The following PKNOX2 variants were observed in gnomAD, a reference collection of about 807,000 sequenced individuals.
PKNOX2 encodes the protein PBX/knotted 1 homeobox 2, also known as homeobox protein PKNOX2.
A neutral mutation model predicts 53.1 loss-of-function variants in PKNOX2; 14 were observed. The observed-to-expected ratio is 0.26, with a 90% CI of 0.17 to 0.41. The LOEUF (loss-of-function observed/expected upper bound fraction) is 0.41. Ranked by LOEUF, PKNOX2 falls within the 10% of genes least tolerant of loss-of-function variation. PKNOX2 has a pLI of 1.00. For synonymous variants in PKNOX2, 257 were observed against 242.8 expected, an observed-to-expected ratio of 1.06 and a Z score of -0.54; for missense variants, 496 against 602.8, an observed-to-expected ratio of 0.82 and a Z score of 1.85.
chr11:125,243,994 T>C (rs1424514589), intron 2 of PKNOX2, among the ~76,000 whole-genome samples: 1 of 152,128 alleles, frequency 6.6e-6, no homozygotes, highest in Non-Finnish European at 1.5e-5. Context: ...GCTTCACTCA[T>C]TGCTGGAGCC....
intron 2 of PKNOX2, among the ~76,000 whole-genome samples, chr11:125,270,257 C>T (rs547593116): frequency 2.0e-5 from 3 of 152,346 alleles, no homozygotes; most frequent in Admixed American, 6.5e-5. Context: ...ATCCTACAAA[C>T]CGAATGACTG....
At chr11:125,323,915 G>A (rs11605596) in intron 2 of PKNOX2, among the ~76,000 whole-genome samples, 16,696 of 149,646 alleles carry the variant, frequency 0.11, 1,293 homozygotes, top group African/African-American at 0.22. Flanking sequence ...ATCAATGTGT[G>A]TTTCTTTAAA....
chr11:125,284,449 A>G (rs1946773210), intron 2 of PKNOX2, among the ~76,000 whole-genome samples: 1 of 152,240 alleles, frequency 6.6e-6, no homozygotes, highest in Non-Finnish European at 1.5e-5. Flanking sequence ...GCCAAGACAC[A>G]AGAAATAGCA....
intron 2 of PKNOX2, among the ~76,000 whole-genome samples, chr11:125,238,328 T>C (rs1035030972): frequency 2.0e-5 from 3 of 152,206 alleles, no homozygotes; most frequent in Non-Finnish European, 4.4e-5. Flanking sequence ...GGAAGAGTCT[T>C]GGATTCTTCC....
chr11:125,205,998 AAG>A (rs1483846588), intron 1 of PKNOX2, among the ~76,000 whole-genome samples: 1 of 152,088 alleles, frequency 6.6e-6, no homozygotes, highest in Non-Finnish European at 1.5e-5. Context: ...TCCAGGAAGA[AAG>A]AGATGGCTGT....
At chr11:125,243,727 G>T (rs975486483) in intron 2 of PKNOX2, among the ~76,000 whole-genome samples, 4 of 151,492 alleles carry the variant, frequency 2.6e-5, no homozygotes, top group African/African-American at 9.7e-5. Context: ...GGTTCATGCC[G>T]TTCTCCTGCC....
intron 2 of PKNOX2, among the ~76,000 whole-genome samples, chr11:125,309,387 ATTT>A (rs67761552): frequency 0.15 from 20,278 of 135,046 alleles, 2,018 homozygotes; most frequent in East Asian, 0.51. Flanking sequence ...AACAGTACCA[ATTT>A]TTTTTTTTTT....
At chr11:125,299,698 T>C (rs76170616) in intron 2 of PKNOX2, among the ~76,000 whole-genome samples, 1 of 152,170 alleles carries the variant, frequency 6.6e-6, no homozygotes, top group Non-Finnish European at 1.5e-5. Context: ...ACTGTGCTGG[T>C]AGATGCCTGA....
At chr11:125,248,923 A>G (rs1943783329) in intron 2 of PKNOX2, among the ~76,000 whole-genome samples, 1 of 124,576 alleles carries the variant, frequency 8.0e-6, no homozygotes, top group Non-Finnish European at 1.7e-5. Flanking sequence ...TATAACATAT[A>G]TAATATACAT....
At chr11:125,309,939 C>A (rs1948703716) in intron 2 of PKNOX2, among the ~76,000 whole-genome samples, 1 of 152,324 alleles carries the variant, frequency 6.6e-6, no homozygotes, top group Non-Finnish European at 1.5e-5. Context: ...TACTGACCAA[C>A]ATTGATTGGA....
intron 1 of PKNOX2, among the ~76,000 whole-genome samples, chr11:125,200,615 C>T (rs1244447019): frequency 2.0e-5 from 3 of 152,212 alleles, no homozygotes; most frequent in Non-Finnish European, 2.9e-5. Flanking sequence ...CCTGGCCCTC[C>T]GTCTGTTCTC....
chr11:125,394,914 A>ACAAT (rs1432719487), intron 6 of PKNOX2, among the ~76,000 whole-genome samples: 6 of 152,230 alleles, frequency 3.9e-5, no homozygotes, highest in Admixed American at 3.9e-4. Flanking sequence ...ACAGCCAGGA[A>ACAAT]CAATCCACCA....
At chr11:125,421,153 G>A (rs1408389454) in intron 10 of PKNOX2, among the ~76,000 whole-genome samples, 1 of 152,196 alleles carries the variant, frequency 6.6e-6, no homozygotes, top group African/African-American at 2.4e-5. Context: ...TGTAATTGGG[G>A]AAATAAATGA....
chr11:125,413,308 G>T (rs897070270), intron 10 of PKNOX2, among the ~76,000 whole-genome samples: 1 of 152,220 alleles, frequency 6.6e-6, no homozygotes, highest in Non-Finnish European at 1.5e-5. Context: ...CCTCTAAGGA[G>T]CAGCTCTGAT....
intron 2 of PKNOX2, among the ~76,000 whole-genome samples, chr11:125,326,956 C>T (rs904086181): frequency 3.3e-5 from 5 of 152,172 alleles, no homozygotes; most frequent in African/African-American, 1.2e-4. Context: ...CTGGCGTGTC[C>T]GTGTAGGCAA....
chr11:125,343,329 G>A (rs746908721), intron 3 of PKNOX2, among the ~76,000 whole-genome samples: 24 of 152,086 alleles, frequency 1.6e-4, no homozygotes, highest in African/African-American at 2.9e-4. Context: ...AGGAAAAAGC[G>A]CACACCACTT....
chr11:125,195,164 T>C (rs572100049), intron 1 of PKNOX2, among the ~76,000 whole-genome samples: 2 of 152,296 alleles, frequency 1.3e-5, no homozygotes, highest in South Asian at 4.1e-4. Context: ...GCATTCATTA[T>C]GACCGTGTTT....
intron 2 of PKNOX2, among the ~76,000 whole-genome samples, chr11:125,318,882 C>G (rs940641365): frequency 3.3e-5 from 5 of 152,254 alleles, no homozygotes; most frequent in African/African-American, 1.2e-4. Flanking sequence ...GGCGGTTCCT[C>G]TCACCCTTTT....
intron 2 of PKNOX2, among the ~76,000 whole-genome samples, chr11:125,315,569 C>A (rs558619861): frequency 2.0e-5 from 3 of 152,024 alleles, no homozygotes; most frequent in South Asian, 4.2e-4. Flanking sequence ...TTTGCTCAAC[C>A]CCACCCCAGG....
Sources: gnomAD v4.1 joint callset for allele counts (sites outside exome capture counted in the v4.1 genomes callset) on GRCh38, gnomAD v4.1.1 for gene constraint, MANE v1.5 for transcripts, NCBI Gene and HGNC (gene_info 2026-07-23, HGNC 2026-07-21) for gene names.